FGF12: variants seen among roughly 807,000 people sequenced by gnomAD.
The protein encoded by FGF12 is fibroblast growth factor 12B.
A neutral mutation model predicts 23.6 loss-of-function variants in FGF12; 14 were observed. That is an observed-to-expected ratio of 0.59 (90% CI 0.39 to 0.93). The LOEUF is 0.93. FGF12 is among the 40% of genes least tolerant of loss of function. The pLI is 0.00. For synonymous variants in FGF12, 62 were observed against 77.3 expected (o/e 0.80, Z 1.04); for missense variants, 175 against 217.8 (o/e 0.80, Z 1.24).
At chr3:192,499,144 C>T (rs1724044913) in intron 2 of FGF12, among the ~76,000 whole-genome samples, 1 of 152,014 alleles carries the variant, frequency 6.6e-6, no homozygotes, top group South Asian at 2.1e-4. Context: ...CTGTGTCATG[C>T]TTTTTATATT....
At chr3:192,719,158 C>T (rs1718955773) in intron 2 of FGF12, among the ~76,000 whole-genome samples, 1 of 152,150 alleles carries the variant, frequency 6.6e-6, no homozygotes, top group Non-Finnish European at 1.5e-5. Context: ...GGAACATGCA[C>T]CATGTGTATT....
At chr3:192,303,138 C>A (rs1335480862) in intron 4 of FGF12, among the ~76,000 whole-genome samples, 2 of 152,194 alleles carry the variant, frequency 1.3e-5, no homozygotes, top group African/African-American at 4.8e-5. Context: ...GAACCAAATT[C>A]TGCATTTCAT....
intron 2 of FGF12, among the ~76,000 whole-genome samples, chr3:192,569,672 G>T (rs930277178): frequency 2.0e-5 from 3 of 152,216 alleles, no homozygotes; most frequent in Non-Finnish European, 4.4e-5. Context: ...AGAGGAAATT[G>T]AGATATAGAG....
At chr3:192,610,400 G>C (rs1714508025) in intron 2 of FGF12, among the ~76,000 whole-genome samples, 1 of 152,076 alleles carries the variant, frequency 6.6e-6, no homozygotes, top group East Asian at 1.9e-4. Context: ...TATCCAGGGA[G>C]GAAATTGTGT....
chr3:192,246,356 CATT>C (rs1711563601), intron 4 of FGF12, among the ~76,000 whole-genome samples: 1 of 152,040 alleles, frequency 6.6e-6, no homozygotes, highest in Non-Finnish European at 1.5e-5. Context: ...ATGGGCCAAA[CATT>C]ATACTGAATT....
intron 4 of FGF12, among the ~76,000 whole-genome samples, chr3:192,274,081 G>A (rs1283545612): frequency 3.3e-5 from 5 of 151,792 alleles, no homozygotes; most frequent in Non-Finnish European, 5.9e-5. Context: ...TATAAACATC[G>A]TATAAACACT....
chr3:192,543,754 C>A (rs2108579087), intron 2 of FGF12, among the ~76,000 whole-genome samples: 1 of 152,230 alleles, frequency 6.6e-6, no homozygotes, highest in African/African-American at 2.4e-5. Flanking sequence ...CTGGGTTCTC[C>A]CCTTCAAGGC....
chr3:192,583,410 TA>T (rs564928364), intron 2 of FGF12, among the ~76,000 whole-genome samples: 5 of 152,320 alleles, frequency 3.3e-5, no homozygotes, highest in African/African-American at 1.2e-4. Context: ...TTACCGGTCC[TA>T]AAAAAATACT....
At chr3:192,299,017 G>T (rs1715197477) in intron 4 of FGF12, among the ~76,000 whole-genome samples, 1 of 152,176 alleles carries the variant, frequency 6.6e-6, no homozygotes, top group South Asian at 2.1e-4. Flanking sequence ...TAAAGGATGT[G>T]CTTCCACGAC....
At chr3:192,230,837 C>A (rs943655285) in intron 4 of FGF12, among the ~76,000 whole-genome samples, 1 of 151,994 alleles carries the variant, frequency 6.6e-6, no homozygotes, top group Non-Finnish European at 1.5e-5. Flanking sequence ...TATAGTGCAT[C>A]AGCAATTGTG....
At chr3:192,277,194 A>G (rs1713844938) in intron 4 of FGF12, among the ~76,000 whole-genome samples, 1 of 152,224 alleles carries the variant, frequency 6.6e-6, no homozygotes, top group African/African-American at 2.4e-5. Flanking sequence ...ATTCATTGAT[A>G]AAATGATTCA....
chr3:192,188,822 A>T (rs1188430511), intron 4 of FGF12, among the ~76,000 whole-genome samples: 1 of 152,244 alleles, frequency 6.6e-6, no homozygotes, highest in African/African-American at 2.4e-5. Context: ...ATGTGCTTTG[A>T]AAAGAACGTG....
intron 4 of FGF12, among the ~76,000 whole-genome samples, chr3:192,171,917 T>C (rs973527706): frequency 1.3e-5 from 2 of 152,124 alleles, no homozygotes; most frequent in African/African-American, 2.4e-5. Context: ...TTTTTTTCTT[T>C]TTCTTTTTGT....
intron 2 of FGF12, among the ~76,000 whole-genome samples, chr3:192,584,343 G>A (rs1416988229): frequency 1.3e-5 from 2 of 151,932 alleles, no homozygotes; most frequent in African/African-American, 4.8e-5. Flanking sequence ...ATTATTTGCA[G>A]TCTTATTTTT....
At chr3:192,464,480 G>C (rs2108809656) in intron 2 of FGF12, among the ~76,000 whole-genome samples, 1 of 148,416 alleles carries the variant, frequency 6.7e-6, no homozygotes, top group African/African-American at 2.5e-5. Context: ...TTCCTTTTTA[G>C]GGCTGAGTAG....
intron 2 of FGF12, among the ~76,000 whole-genome samples, chr3:192,364,353 T>C (rs968844401): frequency 1.3e-5 from 2 of 151,070 alleles, no homozygotes; most frequent in Non-Finnish European, 2.9e-5. Context: ...ACTGTTTTTC[T>C]TTTTCTTAAT....
intron 5 of FGF12, among the ~76,000 whole-genome samples, chr3:192,158,540 C>T (rs1338901097): frequency 4.4e-5 from 6 of 136,238 alleles, no homozygotes; most frequent in East Asian, 2.1e-4. Flanking sequence ...CCCTTCCTCC[C>T]GCCCTCCCTC....
rs1560171329 is a variant in FGF12 at position 192,158,354 on chromosome 3, CTTTCTTTCTTTCTTTCTTTCTTTCTTTCT to C, written c.427+12075_427+12103del. On this transcript the variant is annotated intron_variant, in intron 5 of 5. Transcript: ENST00000445105. The stretch of plus-strand genomic sequence containing the variant: ...TTTCTCTTTCTTTCTTTCTTTCTTT[CTTTCTTTCTTTCTTTCTTTCTTTCTTTCT>C]TTTCTTTCTCTCTCTTTCTTTTTCT... Among the ~76,000 whole-genome samples, 80 of 111,882 alleles carry C rather than the reference CTTTCTTTCTTTCTTTCTTTCTTTCTTTCT, an allele frequency of 7.2e-4. 2 individuals carry two copies. Among genetic ancestry groups the C allele is most frequent in the African/African-American group, 2.8e-3 (70 of 25,196 alleles). The allele number at this position is 111,882 out of a possible 152,430, so 73.4% of individuals were successfully genotyped here.
intron 4 of FGF12, among the ~76,000 whole-genome samples, chr3:192,245,785 G>A (rs927902733): frequency 2.6e-5 from 4 of 152,092 alleles, no homozygotes; most frequent in Non-Finnish European, 5.9e-5. Flanking sequence ...ACAATGCCTG[G>A]GGAGACTCAG....
Sources: allele counts gnomAD v4.1 joint callset (sites outside exome capture counted in the v4.1 genomes callset), GRCh38; gene constraint gnomAD v4.1.1; transcripts MANE v1.5; gene names NCBI Gene and HGNC (gene_info 2026-07-23, HGNC 2026-07-21).